The following ZNF831 variants were observed in gnomAD, a reference collection of about 807,000 sequenced individuals.
ZNF831 encodes the protein chromosome 20 open reading frame 174.
ZNF831 carries 59 observed loss-of-function variants against 95.8 expected under a neutral mutation model. The observed-to-expected ratio is 0.62, with a 90% CI of 0.50 to 0.77. ZNF831 has a LOEUF of 0.77. Among genes scored for constraint, ZNF831 ranks in the 30% least tolerant of loss-of-function variants. The probability of loss-of-function intolerance (pLI) is 0.00; values close to 1 mark genes in which losing one functional copy is unlikely to be tolerated. For missense variants in ZNF831, 2,205 were observed against 2,164.0 expected (o/e 1.02, Z -0.38); for synonymous variants, 961 against 925.5 (o/e 1.04, Z -0.70).
At chr20:59,129,432 G>C (rs1371019719) in intron 1 of ZNF831, among the ~76,000 whole-genome samples, 1 of 152,108 alleles carries the variant, frequency 6.6e-6, no homozygotes, top group Non-Finnish European at 1.5e-5. Flanking sequence ...TTTGAGACCA[G>C]CCTGGCCAAC....
chr20:59,234,896 T>C (rs1249970357), intron 4 of ZNF831, among the ~76,000 whole-genome samples: 2 of 152,252 alleles, frequency 1.3e-5, no homozygotes, highest in Non-Finnish European at 2.9e-5. Flanking sequence ...GCACATTTTT[T>C]ACAATTAATG....
At chr20:59,223,534 T>G (rs1986238636) in intron 4 of ZNF831, among the ~76,000 whole-genome samples, 1 of 152,228 alleles carries the variant, frequency 6.6e-6, no homozygotes, top group African/African-American at 2.4e-5. Flanking sequence ...GGAACGGGCC[T>G]CGGAGGAAAG....
At chr20:59,241,247 C>T (rs1987316344) in intron 4 of ZNF831, among the ~76,000 whole-genome samples, 2 of 152,032 alleles carry the variant, frequency 1.3e-5, no homozygotes, top group South Asian at 4.1e-4. Flanking sequence ...CATAGCAGAG[C>T]AGAGCTAAGT....
rs557194301 is a variant in ZNF831 at position 59,145,382 on chromosome 20, CA to C, written c.-1424-846del. On this transcript the variant is annotated intron_variant, in intron 1 of 7. Coordinates refer to the ZNF831 transcript ENST00000637017. ...CCCTTTTTGAAAATGTTGGATTAAA[CA>C]AAGTAAAACAAGATTCTTTATTGCA... Among the ~76,000 whole-genome samples, 35 of 152,234 alleles carry C rather than the reference CA, an allele frequency of 2.3e-4. No homozygotes were observed. The East Asian group carries it at 4.4e-3, about 19-fold the overall frequency.
chr20:59,132,753 C>A (rs1238023453), intron 1 of ZNF831, among the ~76,000 whole-genome samples: 1 of 152,240 alleles, frequency 6.6e-6, no homozygotes, highest in Admixed American at 6.5e-5. Context: ...CTTTCAACTT[C>A]ATCTCAAGCA....
intron 1 of ZNF831, among the ~76,000 whole-genome samples, chr20:59,140,243 A>T (rs1979634974): frequency 2.0e-5 from 3 of 152,214 alleles, no homozygotes; most frequent in South Asian, 2.1e-4. Flanking sequence ...GAGTTTAACA[A>T]GGCCTCTGGC....
At chr20:59,150,733 T>C (rs1473535021) in intron 2 of ZNF831, among the ~76,000 whole-genome samples, 1 of 152,204 alleles carries the variant, frequency 6.6e-6, no homozygotes, top group African/African-American at 2.4e-5. Context: ...CAAGGAGCTC[T>C]CCTTGAGTCT....
intron 2 of ZNF831, among the ~76,000 whole-genome samples, chr20:59,156,294 G>A (rs1980536418): frequency 6.6e-6 from 1 of 152,204 alleles, no homozygotes; most frequent in African/African-American, 2.4e-5. Flanking sequence ...GGGAGGCTGA[G>A]GCGAGCGGAT....
At position 59,142,538 on chromosome 20, in the gene ZNF831, G is replaced by A. The variant is rs146800984; in HGVS notation, c.-1424-3693G>A. On this transcript the variant is annotated intron_variant, in intron 1 of 7. Coordinates refer to the ZNF831 transcript ENST00000637017. The stretch of plus-strand genomic sequence containing the variant: ...AGAGCACAAGATGACGTTAGGGTGC[G>A]CAGAACCTGGGATTAAATAACAACA... 2.3e-3 allele frequency among the ~76,000 whole-genome samples: 352 copies of A among 152,310 alleles called. 1 individual carries two copies. The highest frequency in any genetic ancestry group is 7.6e-3 in the African/African-American group (318 of 41,570).
At chr20:59,251,087 T>C (rs546233225) in intron 4 of ZNF831, among the ~76,000 whole-genome samples, 127 of 152,334 alleles carry the variant, frequency 8.3e-4, no homozygotes, top group Middle Eastern at 3.4e-3. Context: ...GCCTATGGGC[T>C]AATACATATG....
intron 4 of ZNF831, among the ~76,000 whole-genome samples, chr20:59,210,572 C>T (rs981181417): frequency 2.6e-5 from 4 of 152,230 alleles, no homozygotes; most frequent in African/African-American, 9.6e-5. Context: ...GCCTCATCTG[C>T]AGCTTATCCT....
chr20:59,166,547 C>T (rs1189215032), intron 1 of ZNF831, among the ~76,000 whole-genome samples: 1 of 152,056 alleles, frequency 6.6e-6, no homozygotes, highest in Non-Finnish European at 1.5e-5. Context: ...GCGTCGTGGA[C>T]ACCCCAAATC....
intron 4 of ZNF831, among the ~76,000 whole-genome samples, chr20:59,226,630 C>G (rs1395059858): frequency 6.6e-6 from 1 of 150,848 alleles, no homozygotes; most frequent in African/African-American, 2.4e-5. Flanking sequence ...AAGAAAAAGG[C>G]AAATTTCTAC....
Position 59,193,901 on chromosome 20 carries a change from G to T in ZNF831, c.2882G>T (p.Arg961Met), listed in dbSNP as rs373788780. The T allele has an allele frequency of 6.2e-5, 99 of 1,605,664 alleles. No individual in the cohort carries two copies. The African/African-American group carries it at 1.2e-3, about 19-fold the overall frequency. The stretch of plus-strand genomic sequence containing the variant: ...CCACTGCCCATTCCCTGGGGACCAA[G>T]GCACAGCCAGGACTCTCTCTGCAGC... ...PLPLPIPWGP[R>M]HSQDSLCSSG... The change falls in exon 2 of 6, where the codon AGG becomes ATG. Residue 961 changes from arginine (R) to methionine (M), a missense_variant. By Grantham distance (91) the Arg-to-Met change is moderately conservative (BLOSUM62 -1). Transcript: ENST00000371030.
At chr20:59,222,634 C>T (rs960832515) in intron 4 of ZNF831, among the ~76,000 whole-genome samples, 3 of 152,178 alleles carry the variant, frequency 2.0e-5, no homozygotes, top group Admixed American at 6.5e-5. Flanking sequence ...GAAGAAAGCG[C>T]AGAGGGCTGG....
At chr20:59,145,371 G>A (rs1296887456) in intron 1 of ZNF831, among the ~76,000 whole-genome samples, 1 of 152,174 alleles carries the variant, frequency 6.6e-6, no homozygotes, top group African/African-American at 2.4e-5. Context: ...TTTTGAAAAT[G>A]TTGGATTAAA....
chr20:59,161,659 C>T (rs764242833), upstream of ZNF831, among the ~76,000 whole-genome samples: 6 of 152,156 alleles, frequency 3.9e-5, no homozygotes, highest in South Asian at 2.1e-4. Context: ...TCCAGTCTAC[C>T]GTTGACAGGC....
chr20:59,200,291 G>A (rs897360531), intron 3 of ZNF831, among the ~76,000 whole-genome samples: 4 of 152,082 alleles, frequency 2.6e-5, no homozygotes, highest in African/African-American at 7.2e-5. Context: ...CCTCTGTCCT[G>A]TTCCCTCTCC....
rs547644025 is a variant in ZNF831, at chr20:59,156,710, G to A, written c.-1280-2942G>A. Reference sequence around the variant, plus strand: ...CCTGGTGATCACCGCTGGACTCTCCGCTTCTATAAGTTTGACTGTTTTAGA... The same window carrying A: ...CCTGGTGATCACCGCTGGACTCTCCACTTCTATAAGTTTGACTGTTTTAGA... On this transcript the variant is annotated intron_variant, in intron 2 of 7. Transcript: ENST00000637017. Among the ~76,000 whole-genome samples the A allele has an allele frequency of 3.9e-5, 6 of 152,096 alleles. No homozygotes were observed. In the South Asian group the frequency reaches 1.0e-3, roughly 26 times the overall value.
Sources: gnomAD v4.1 joint callset for allele counts (sites outside exome capture counted in the v4.1 genomes callset) on GRCh38, gnomAD v4.1.1 for gene constraint, MANE v1.5 for transcripts, NCBI Gene and HGNC (gene_info 2026-07-23, HGNC 2026-07-21) for gene names.